The following KIF9 variants were observed in gnomAD, a reference collection of about 807,000 sequenced individuals.
The protein encoded by KIF9 is kinesin-like protein KIF9.
A neutral mutation model predicts 94.8 loss-of-function variants in KIF9; 68 were observed. The ratio of observed to expected loss-of-function variants is 0.72; its 90% CI spans 0.59 to 0.88. The LOEUF (loss-of-function observed/expected upper bound fraction) is 0.88, where lower values mean the gene tolerates loss of function less well. Among genes scored for constraint, KIF9 ranks in the 40% least tolerant of loss-of-function variants. KIF9 has a pLI of 0.00. For synonymous variants in KIF9, 343 were observed against 362.1 expected, an observed-to-expected ratio of 0.95 and a Z score of 0.60; for missense variants, 882 against 982.5, an observed-to-expected ratio of 0.90 and a Z score of 1.37.
intron 9 of KIF9, among the ~76,000 whole-genome samples, chr3:47,260,291 A>C (rs1010828384): frequency 1.3e-5 from 2 of 149,184 alleles, no homozygotes; most frequent in African/African-American, 2.5e-5. Flanking sequence ...TGACCCTGAC[A>C]CATCCCCCTC....
At chr3:47,234,234 CTT>C (rs542496579) in intron 20 of KIF9, among the ~76,000 whole-genome samples, 34 of 142,512 alleles carry the variant, frequency 2.4e-4, no homozygotes, top group Admixed American at 2.8e-4. Context: ...TTTGTACTTT[CTT>C]TTTTTTTTTT....
intron 2 of KIF9, 136 bp downstream of exon 2, chr3:47,277,146 T>G (rs995813068): frequency 2.1e-6 from 1 of 479,310 alleles, no homozygotes; most frequent in Non-Finnish European, 3.7e-6. Context: ...TGGTTTGGAT[T>G]TGATGGGCTC....
intron 16 of KIF9, among the ~76,000 whole-genome samples, chr3:47,241,247 G>A (rs1699456121): frequency 6.6e-6 from 1 of 151,982 alleles, no homozygotes; most frequent in African/African-American, 2.4e-5. Context: ...GCAAGGAAAA[G>A]TATAAGAAAC....
At chr3:47,263,705 T>G (rs1399776865) in intron 9 of KIF9, 3 of 368,252 alleles carry the variant, frequency 8.1e-6, no homozygotes, top group African/African-American at 6.4e-5. Context: ...CATCCTGGCC[T>G]CCTCTGAAGG....
chr3:47,257,595 G>A (rs542252478), intron 9 of KIF9, 35 bp from the exon 10 acceptor site: 7 of 1,580,970 alleles, frequency 4.4e-6, no homozygotes, highest in East Asian at 4.5e-5. Context: ...TAGATGGCTC[G>A]CCACTAAAGT....
At chr3:47,276,091 T>C (rs772233018) in intron 2 of KIF9, among the ~76,000 whole-genome samples, 14 of 152,206 alleles carry the variant, frequency 9.2e-5, no homozygotes, top group East Asian at 1.9e-4. Context: ...TGCCCCTTCA[T>C]AGTAAGCCAT....
chr3:47,270,058 G>A (rs748183842), intron 5 of KIF9, among the ~76,000 whole-genome samples: 3 of 151,556 alleles, frequency 2.0e-5, no homozygotes, highest in Non-Finnish European at 2.9e-5. Flanking sequence ...ATGAGCCACC[G>A]TGCCCAGCCT....
intron 2 of KIF9, among the ~76,000 whole-genome samples, chr3:47,276,570 A>AAAAAG (rs1019445086): frequency 3.3e-5 from 5 of 151,576 alleles, no homozygotes; most frequent in African/African-American, 4.9e-5. Flanking sequence ...AAAAAAAAAA[A>AAAAAG]AAAAGAAAAG....
chr3:47,254,829 A>G (rs1369576222), intron 10 of KIF9, among the ~76,000 whole-genome samples: 1 of 152,098 alleles, frequency 6.6e-6, no homozygotes, highest in Non-Finnish European at 1.5e-5. Flanking sequence ...TTAAGATGAA[A>G]TTTTTAAAAA....
At chr3:47,229,623 G>C (rs1698405116) in intron 20 of KIF9, among the ~76,000 whole-genome samples, 1 of 152,150 alleles carries the variant, frequency 6.6e-6, no homozygotes, top group African/African-American at 2.4e-5. Flanking sequence ...GTCTGTGCAT[G>C]GGCATATCTT....
At chr3:47,236,385 G>A in intron 18 of KIF9, 58 bp downstream of exon 18, 4 of 1,571,284 alleles carry the variant, frequency 2.5e-6, no homozygotes, top group Non-Finnish European at 3.5e-6. Context: ...TCAGGCTGTG[G>A]CCTCTCCCTG....
chr3:47,236,813 G>A (rs994413979), intron 17 of KIF9, among the ~76,000 whole-genome samples, 194 bp from the exon 18 acceptor site: 2 of 152,202 alleles, frequency 1.3e-5, no homozygotes, highest in African/African-American at 4.8e-5. Flanking sequence ...ACAGGGAGGG[G>A]AGCTCAGCTC....
chr3:47,228,694 G>A lies in KIF9; in HGVS notation c.2331C>T (p.Tyr777=), dbSNP rs1054085765. The A allele has an allele frequency of 3.7e-6, 6 of 1,613,624 alleles. No homozygotes were observed. Among genetic ancestry groups the A allele is most frequent in the African/African-American group, 1.3e-5 (1 of 74,900 alleles). Residue 777 remains tyrosine (Y), a synonymous_variant, in exon 21 of 21, where the codon TAC becomes TAT. Coordinates refer to ENST00000684063, the MANE Select transcript of KIF9 (RefSeq NM_182902.4). The part of the protein sequence containing the change: ...AKVKIEQKHN[Y]LKTMMGLQQA... ...GCTGGAGGCCCATCATGGTTTTCAA[G>A]TAATTATGCTGGACACAGAGGGAAG...
intron 1 of KIF9, among the ~76,000 whole-genome samples, chr3:47,280,738 T>C (rs1407093351): frequency 1.3e-5 from 2 of 152,164 alleles, no homozygotes; most frequent in Non-Finnish European, 2.9e-5. Context: ...CTGGCCCTTC[T>C]CTGCCCTGCT....
Position 47,228,477 on chromosome 3 carries a change from G to A in KIF9, c.*175C>T, listed in dbSNP as rs571571760. 6 of 675,600 alleles carry A rather than the reference G, an allele frequency of 8.9e-6. No individual in the cohort carries two copies. Among genetic ancestry groups the A allele is most frequent in the South Asian group, 6.9e-5 (4 of 57,676 alleles). 41.9% of individuals were successfully genotyped at this position (675,600 alleles called of 1,614,324 possible). ...AAAACCCAAAGTGCTCTGTGGAGAT[G>A]AGCAAGGTTGTCCTTGGAGGATGCT... On this transcript the variant is annotated 3_prime_UTR_variant, in exon 21 of 21. Transcript: ENST00000684063.
chr3:47,275,119 T>TTAATCTA, intron 3 of KIF9: 1 of 529,086 alleles, frequency 1.9e-6, no homozygotes, highest in South Asian at 3.2e-5. Flanking sequence ...CTTTTAATTT[T>TTAATCTA]CCTATGAAGG....
chr3:47,266,853 C>T (rs1001171295), intron 7 of KIF9, 123 bp downstream of exon 7: 15 of 773,352 alleles, frequency 1.9e-5, no homozygotes, highest in Non-Finnish European at 3.1e-5. Context: ...ACATGTCCCA[C>T]TTCGCCTAGC....
chr3:47,232,380 G>T (rs1158602257), intron 20 of KIF9, among the ~76,000 whole-genome samples: 1 of 151,962 alleles, frequency 6.6e-6, no homozygotes, highest in Non-Finnish European at 1.5e-5. Context: ...CACCTCCCGG[G>T]TTCAAGCAAT....
chr3:47,281,355 T>C (rs2107546474), intron 1 of KIF9, among the ~76,000 whole-genome samples: 1 of 152,188 alleles, frequency 6.6e-6, no homozygotes, highest in Non-Finnish European at 1.5e-5. Context: ...GTTTTTTGTT[T>C]ATTTGTTTTT....
Sources: gnomAD v4.1 joint callset for allele counts (sites outside exome capture counted in the v4.1 genomes callset) on GRCh38, gnomAD v4.1.1 for gene constraint, MANE v1.5 for transcripts, NCBI Gene and HGNC (gene_info 2026-07-23, HGNC 2026-07-21) for gene names.